The following FXR1 variants were observed in gnomAD, a reference collection of about 807,000 sequenced individuals.
The protein encoded by FXR1 is FMR1 autosomal homolog 1, also known as RNA-binding protein FXR1.
FXR1 carries 15 observed loss-of-function variants against 84.0 expected under a neutral mutation model. That is an observed-to-expected ratio of 0.18 (90% CI 0.12 to 0.27). FXR1 has a LOEUF of 0.27. Among genes scored for constraint, FXR1 ranks in the 10% least tolerant of loss-of-function variants. The pLI, the probability that FXR1 is intolerant of heterozygous loss-of-function variation, is 1.00. For synonymous variants in FXR1, 245 were observed against 250.7 expected (o/e 0.98, Z 0.21); for missense variants, 480 against 774.4 (o/e 0.62, Z 4.51).
rs193010975 is a variant in FXR1, at chr3:180,923,115, A to G, written c.52-10219A>G. Among the ~76,000 whole-genome samples, 3 of 152,196 alleles carry G rather than the reference A, an allele frequency of 2.0e-5. No homozygotes were observed. In the East Asian group the frequency reaches 5.8e-4, roughly 29 times the overall value. On this transcript the variant is annotated intron_variant, in intron 1 of 16. Transcript: ENST00000357559. ...AAATAGTACGTTAATATTTTTGCATATTTGTATGTATAGGCAGTTATGCTA... is the reference window on the plus strand; with the variant it reads ...AAATAGTACGTTAATATTTTTGCATGTTTGTATGTATAGGCAGTTATGCTA...
At chr3:180,966,315 C>T (rs1362546119) in intron 13 of FXR1, among the ~76,000 whole-genome samples, 1 of 152,072 alleles carries the variant, frequency 6.6e-6, no homozygotes, top group Non-Finnish European at 1.5e-5. Flanking sequence ...TTATAATTGA[C>T]TAGTTACATC....
At chr3:180,925,341 C>T (rs552088948) in intron 1 of FXR1, among the ~76,000 whole-genome samples, 18 of 148,892 alleles carry the variant, frequency 1.2e-4, no homozygotes, top group African/African-American at 4.2e-4. Flanking sequence ...GCCTGGGCAA[C>T]AGAGCGAGAC....
rs58568050 is a variant in FXR1, at chr3:180,915,369, G to T, written c.51+2633G>T. ...CCATTCCTCAACCCCAGCTTCTAGA[G>T]TGTTTTCTGTCCCCATAGTTTTTCT... On this transcript the variant is annotated intron_variant, in intron 1 of 16. Transcript: ENST00000357559. 1.8e-3 allele frequency: 1,102 copies of T among 619,554 alleles called. 14 individuals are homozygous for T. In the African/African-American group the frequency reaches 0.019, roughly 11 times the overall value. The allele number at this position is 619,554 out of a possible 1,614,324, so 38.4% of individuals were successfully genotyped here.
At position 180,979,232 on chromosome 3, in the gene FXR1, T is replaced by G. The variant is rs1425523165; in HGVS notation, c.*2940T>G. 6.6e-6 allele frequency: 1 copy of G among 152,094 alleles called. No individual in the cohort carries two copies. Among genetic ancestry groups the G allele is most frequent in the Non-Finnish European group, 1.5e-5 (1 of 67,990 alleles). 9.4% of individuals were successfully genotyped at this position (152,094 alleles called of 1,614,324 possible). On this transcript the variant is annotated 3_prime_UTR_variant, in exon 17 of 17. Transcript: ENST00000357559. ...CCATTTGTATCCTCTGCAAACAGAT[T>G]TACGCTTTTGAGGCTCAAACCAACT...
chr3:180,961,579 T>G (rs747941998), intron 11 of FXR1, 25 bp downstream of exon 11: 1 of 1,023,444 alleles, frequency 9.8e-7, no homozygotes, highest in South Asian at 1.3e-5. Context: ...CATACTATAT[T>G]CTGATATTGT....
At position 180,938,442 on chromosome 3, in the gene FXR1, ATTAG is replaced by A. The variant is rs1720765790; in HGVS notation, c.198+3214_198+3217del. 2.0e-5 allele frequency among the ~76,000 whole-genome samples: 3 copies of A among 152,204 alleles called. No individual in the cohort carries two copies. The South Asian group carries it at 6.2e-4, about 31-fold the overall frequency. ...ATAGTAGTATGGGAACATCACTTAA[ATTAG>A]TTGGTTGGCTCTTAACCCCTTGTTC... is the stretch of plus-strand genomic sequence containing the variant. On this transcript the variant is annotated intron_variant, in intron 3 of 16. Coordinates refer to ENST00000357559, the MANE Select transcript of FXR1 (RefSeq NM_005087.4).
chr3:180,955,847 T>C (rs1450877608), intron 9 of FXR1, among the ~76,000 whole-genome samples: 1 of 152,214 alleles, frequency 6.6e-6, no homozygotes, highest in Non-Finnish European at 1.5e-5. Context: ...CTTTATTCAC[T>C]GAAGTGAGTA....
intron 9 of FXR1, among the ~76,000 whole-genome samples, chr3:180,957,221 T>G (rs1711503577): frequency 6.6e-6 from 1 of 152,224 alleles, no homozygotes; most frequent in South Asian, 2.1e-4. Flanking sequence ...TTATGTAATT[T>G]TACAATATTT....
rs1714548153 is a variant in FXR1 at position 180,980,284 on chromosome 3, A to G, written c.*3992A>G. 6.6e-6 allele frequency: 1 copy of G among 152,080 alleles called. No individual in the cohort carries two copies. The allele number at this position is 152,080 out of a possible 1,614,324, so 9.4% of individuals were successfully genotyped here. A position where few individuals can be genotyped will look rare whatever the true frequency, so the allele number is the denominator to read the frequency against. On this transcript the variant is annotated 3_prime_UTR_variant, in exon 17 of 17. Transcript: ENST00000357559. ...GAATGCAATCTATAAGATATTCCAA[A>G]CAAGGACAAAGTAATTTTTCACAAG...
chr3:180,916,649 C>A (rs747369125), intron 1 of FXR1, among the ~76,000 whole-genome samples: 4 of 152,150 alleles, frequency 2.6e-5, no homozygotes, highest in Non-Finnish European at 5.9e-5. Flanking sequence ...GTCAAATGAT[C>A]GCCCTCCTCG....
intron 3 of FXR1, among the ~76,000 whole-genome samples, chr3:180,939,805 G>A (rs1331433072): frequency 3.3e-5 from 5 of 152,108 alleles, no homozygotes; most frequent in Non-Finnish European, 7.4e-5. Context: ...GCAGCTCTAG[G>A]AATCCTTTGA....
chr3:180,927,542 G>T, intron 1 of FXR1: 1 of 543,798 alleles, frequency 1.8e-6, no homozygotes, highest in Non-Finnish European at 3.2e-6. Context: ...TTTCCACAAC[G>T]GCTCCTGTCA....
At chr3:180,951,813 A>G (rs962024208) in intron 8 of FXR1, among the ~76,000 whole-genome samples, 2 of 152,232 alleles carry the variant, frequency 1.3e-5, no homozygotes, top group African/African-American at 4.8e-5. Flanking sequence ...AATGGCATAT[A>G]TTAGAATAGC....
At chr3:180,932,075 C>CAAAAAA (rs4042648) in intron 1 of FXR1, among the ~76,000 whole-genome samples, 1,988 of 79,066 alleles carry the variant, frequency 0.025, 121 homozygotes, top group African/African-American at 0.075. Context: ...TTGTAAGTTT[C>CAAAAAA]AAAAAAAAAA....
intron 8 of FXR1, among the ~76,000 whole-genome samples, chr3:180,952,572 A>G (rs1351926002): frequency 6.8e-6 from 1 of 146,728 alleles, no homozygotes; most frequent in Admixed American, 6.7e-5. Context: ...GAGAAGGAGG[A>G]GGGAAAAAAA....
intron 1 of FXR1, among the ~76,000 whole-genome samples, chr3:180,923,438 A>C (rs1029556155): frequency 1.3e-5 from 2 of 152,084 alleles, no homozygotes; most frequent in African/African-American, 4.8e-5. Context: ...CTCTCTTGTT[A>C]TACACAGTAA....
chr3:180,964,701 A>AT (rs10530708), intron 13 of FXR1, among the ~76,000 whole-genome samples: 1 of 141,980 alleles, frequency 7.0e-6, no homozygotes, highest in African/African-American at 2.6e-5. Flanking sequence ...ATATATATAT[A>AT]ATGAGTACTG....
At chr3:180,972,798 A>C (rs185485587) in intron 15 of FXR1, among the ~76,000 whole-genome samples, 1 of 152,008 alleles carries the variant, frequency 6.6e-6, no homozygotes, top group Admixed American at 6.5e-5. Flanking sequence ...CTCTTTTAAA[A>C]CTCCTCACAT....
Position 180,948,508 on chromosome 3 carries a change from A to G in FXR1, c.419+13A>G, listed in dbSNP as rs369799891. The G allele has an allele frequency of 2.2e-5, 34 of 1,553,170 alleles. No individual in the cohort carries two copies. The Admixed American group carries it at 2.4e-4, about 11-fold the overall frequency. On this transcript the variant is annotated intron_variant, in intron 5 of 16. Transcript: ENST00000357559. ...ATTTGAGAGAGGCGTGAGTAATTTT[A>G]TATACTATTGAATTGTTCTGTGAAT...
Sources: allele counts gnomAD v4.1 joint callset (sites outside exome capture counted in the v4.1 genomes callset), GRCh38; gene constraint gnomAD v4.1.1; transcripts MANE v1.5; gene names NCBI Gene and HGNC (gene_info 2026-07-23, HGNC 2026-07-21).